The following LGR4 variants were observed in gnomAD, a reference collection of about 807,000 sequenced individuals.
LGR4 encodes the protein leucine rich repeat containing G protein-coupled receptor 4.
A neutral mutation model predicts 84.8 loss-of-function variants in LGR4; 44 were observed. That is an observed-to-expected ratio of 0.52 (90% CI 0.41 to 0.67). The LOEUF (loss-of-function observed/expected upper bound fraction) is 0.67. Ranked by LOEUF, LGR4 falls within the 30% of genes least tolerant of loss-of-function variation. The pLI, the probability that LGR4 is intolerant of heterozygous loss-of-function variation, is 0.00. For missense variants in LGR4, 1,032 were observed against 1,131.4 expected (o/e 0.91, Z 1.26); for synonymous variants, 429 against 434.3 (o/e 0.99, Z 0.15).
rs567802298 is a variant in LGR4 at position 27,470,707 on chromosome 11, T to C, written c.185+1411A>G. 3.5e-3 allele frequency among the ~76,000 whole-genome samples: 397 copies of C among 113,472 alleles called. 1 individual carries two copies. The highest frequency in any genetic ancestry group is 6.0e-3 in the Non-Finnish European group (279 of 46,432). 74.4% of individuals were successfully genotyped at this position (113,472 alleles called of 152,430 possible). On this transcript the variant is annotated intron_variant, in intron 1 of 17. Transcript: ENST00000379214. ...TTTTTAATGACAAGTTAAACTTCAC[T>C]ATACTGAAAAAAAAAAAAAACCTCA...
intron 2 of LGR4, among the ~76,000 whole-genome samples, chr11:27,410,787 G>A (rs548593597): frequency 2.0e-4 from 31 of 152,082 alleles, no homozygotes; most frequent in African/African-American, 6.0e-4. Context: ...GAGAGTATAC[G>A]GACTTGATTT....
At position 27,373,786 on chromosome 11, in the gene LGR4, G is replaced by T. The variant is rs938279220; in HGVS notation, c.1254-110C>A. ...TAGATCCCTAAGATGAAGTTCAAGT[G>T]GGGGTGCTAAAATTATAGTTCTAGC... On this transcript the variant is annotated intron_variant, in intron 14 of 17. Transcript: ENST00000379214. 45 of 1,134,468 alleles carry T rather than the reference G, an allele frequency of 4.0e-5. No homozygotes were observed. In the South Asian group the frequency reaches 7.0e-4, roughly 18 times the overall value. The allele number at this position is 1,134,468 out of a possible 1,614,324, so 70.3% of individuals were successfully genotyped here.
intron 11 of LGR4, 46 bp from the exon 12 acceptor site, chr11:27,377,269 A>C: frequency 9.9e-7 from 1 of 1,006,974 alleles, no homozygotes; most frequent in Non-Finnish European, 1.5e-6. Context: ...TTATCAGAGT[A>C]TTATATTAAA....
intron 2 of LGR4, among the ~76,000 whole-genome samples, chr11:27,393,938 T>TGG (rs1565077421): frequency 5.4e-3 from 23 of 4,298 alleles, no homozygotes; most frequent in Non-Finnish European, 0.013. Flanking sequence ...GCACTGAAGA[T>TGG]TGGGGGGGGG....
intron 2 of LGR4, among the ~76,000 whole-genome samples, chr11:27,406,383 G>T (rs574173542): frequency 1.3e-5 from 2 of 152,252 alleles, no homozygotes; most frequent in East Asian, 3.9e-4. Flanking sequence ...GGCATAGGCA[G>T]ATCTGGGATT....
At chr11:27,376,272 G>A (rs1344644354) in intron 13 of LGR4, 27 bp downstream of exon 13, 5 of 1,358,972 alleles carry the variant, frequency 3.7e-6, no homozygotes, top group Non-Finnish European at 5.2e-6. Context: ...AAAATTTATT[G>A]TCTTTAATAA....
chr11:27,372,877 A>C (rs79135832), intron 15 of LGR4: 1 of 154,012 alleles, frequency 6.5e-6, no homozygotes, highest in African/African-American at 2.4e-5. Context: ...TCTTTTTTTT[A>C]GAGACAGGGT....
chr11:27,369,745 T>A (rs1402593850), intron 17 of LGR4, among the ~76,000 whole-genome samples: 1 of 152,158 alleles, frequency 6.6e-6, no homozygotes, highest in African/African-American at 2.4e-5. Context: ...TAATCATGTA[T>A]GTATATGTAT....
intron 1 of LGR4, 53 bp downstream of exon 1, chr11:27,472,065 C>A (rs1238906151): frequency 8.3e-6 from 10 of 1,202,750 alleles, no homozygotes; most frequent in Middle Eastern, 3.3e-4. Flanking sequence ...GCGGCGCCCC[C>A]CGCTGGGCCC....
At chr11:27,371,172 C>T (rs1033963440) in intron 17 of LGR4, among the ~76,000 whole-genome samples, 4 of 152,162 alleles carry the variant, frequency 2.6e-5, no homozygotes, top group Non-Finnish European at 5.9e-5. Context: ...ATTAGGCAGA[C>T]TATGACAATC....
chr11:27,419,528 T>C (rs909859336), intron 1 of LGR4, among the ~76,000 whole-genome samples: 6 of 150,386 alleles, frequency 4.0e-5, no homozygotes, highest in East Asian at 1.9e-4. Flanking sequence ...ATTAAACATA[T>C]ACTTATGACT....
At position 27,391,131 on chromosome 11, in the gene LGR4, T is replaced by G. The variant is rs1019972222; in HGVS notation, c.364A>C (p.Ser122Arg). The G allele has an allele frequency of 4.3e-6, 7 of 1,610,624 alleles. No homozygotes were observed. The highest frequency in any genetic ancestry group is 3.4e-5 in the Admixed American group (2 of 59,638). Reference protein sequence around the residue: ...LQNNQLKTVPSEAIRGLSALQ... With the variant: ...LQNNQLKTVPREAIRGLSALQ... ...GCACTCAGCCCTCGAATGGCTTCAC[T>G]GGGTACTGTTTTCAACTGATTATTC... The change falls in exon 4 of 18, where the codon AGT becomes CGT. Residue 122 changes from serine to arginine, a missense_variant. Ser to Arg is a moderately radical substitution (Grantham distance 110). Coordinates refer to ENST00000379214, the MANE Select transcript of LGR4 (RefSeq NM_018490.5).
chr11:27,371,643 T>C lies in LGR4; in HGVS notation c.1551A>G (p.Gln517=), dbSNP rs1276977680. Reference sequence around the variant, plus strand: ...TTGAAGGTGTACAATGGATAATTATTTGACTATGTTCTTCATTTTCAAGAG... The same window carrying C: ...TTGAAGGTGTACAATGGATAATTATCTGACTATGTTCTTCATTTTCAAGAG... ...TSTLENEEHS[Q]IIIHCTPSTG... The change falls in exon 17 of 18, where the codon CAA becomes CAG. Residue 517 remains glutamine (Q), a synonymous_variant. Coordinates refer to ENST00000379214, the MANE Select transcript of LGR4 (RefSeq NM_018490.5). The C allele has an allele frequency of 6.2e-7, 1 of 1,613,484 alleles. No homozygotes were observed.
chr11:27,421,332 G>A (rs1057028675), intron 1 of LGR4, among the ~76,000 whole-genome samples: 1 of 152,156 alleles, frequency 6.6e-6, no homozygotes, highest in African/African-American at 2.4e-5. Flanking sequence ...AGCTGTATGT[G>A]TAGGCCCATT....
At chr11:27,433,032 T>G (rs1349383090) in intron 1 of LGR4, among the ~76,000 whole-genome samples, 1 of 152,224 alleles carries the variant, frequency 6.6e-6, no homozygotes, top group Non-Finnish European at 1.5e-5. Context: ...AACTTTGGGT[T>G]TGTATTATGT....
intron 1 of LGR4, among the ~76,000 whole-genome samples, chr11:27,463,870 C>G (rs1864729471): frequency 6.6e-6 from 1 of 152,190 alleles, no homozygotes; most frequent in East Asian, 1.9e-4. Flanking sequence ...CTTATGAACT[C>G]TGATTAAATT....
intron 1 of LGR4, among the ~76,000 whole-genome samples, chr11:27,444,348 T>C (rs1193997403): frequency 6.6e-6 from 1 of 152,134 alleles, no homozygotes; most frequent in Non-Finnish European, 1.5e-5. Flanking sequence ...TCTCCAGGAA[T>C]AAAACTGCAA....
chr11:27,468,456 AAC>A (rs1403954734), intron 1 of LGR4, among the ~76,000 whole-genome samples: 2 of 152,194 alleles, frequency 1.3e-5, no homozygotes, highest in South Asian at 2.1e-4. Context: ...CAAATTTCCT[AAC>A]ACACACTTCT....
At chr11:27,407,029 A>C (rs1434747462) in intron 2 of LGR4, among the ~76,000 whole-genome samples, 1 of 152,152 alleles carries the variant, frequency 6.6e-6, no homozygotes, top group Non-Finnish European at 1.5e-5. Context: ...AAAATTGGTA[A>C]GATATAGAAG....
Sources: gnomAD v4.1 joint callset for allele counts (sites outside exome capture counted in the v4.1 genomes callset) on GRCh38, gnomAD v4.1.1 for gene constraint, MANE v1.5 for transcripts, NCBI Gene and HGNC (gene_info 2026-07-23, HGNC 2026-07-21) for gene names.